The following RNF40 variants were observed in gnomAD, a reference collection of about 807,000 sequenced individuals.
RNF40 encodes E3 ubiquitin-protein ligase BRE1B.
RNF40 carries 39 observed loss-of-function variants against 123.3 expected under a neutral mutation model. The ratio of observed to expected loss-of-function variants is 0.32; its 90% CI spans 0.24 to 0.41. The LOEUF (loss-of-function observed/expected upper bound fraction) is 0.41, where lower values mean the gene tolerates loss of function less well. RNF40 is among the 10% of genes least tolerant of loss of function. RNF40 has a pLI of 1.00. For missense variants in RNF40, 1,003 were observed against 1,319.9 expected (o/e 0.76, Z 3.72); for synonymous variants, 538 against 526.0 (o/e 1.02, Z -0.31).
intron 17 of RNF40, among the ~76,000 whole-genome samples, chr16:30,770,472 T>C (rs2054128761): frequency 6.6e-6 from 1 of 152,176 alleles, no homozygotes; most frequent in African/African-American, 2.4e-5. Context: ...TGGATTGTTC[T>C]GCTCAAGAGG....
rs1226786730 is a variant in RNF40 at position 30,766,534 on chromosome 16, C to T, written c.1269C>T (p.His423=). The change falls in exon 10 of 20, where the codon CAC becomes CAT. Residue 423 remains histidine, a synonymous_variant. Transcript: ENST00000324685. This position sits in a 1 kb window ranked among gnomAD's most constrained non-coding sequence, Gnocchi z 5.4. ...TGCTGCTGGCCACAAAGAACTCCCACCTGCGACACATCGAGCACATGGAGG... is the reference window on the plus strand; with the variant it reads ...TGCTGCTGGCCACAAAGAACTCCCATCTGCGACACATCGAGCACATGGAGG... The part of the protein sequence containing the change: ...RGLLLATKNS[H]LRHIEHMESD... 4.3e-6 allele frequency: 7 copies of T among 1,611,866 alleles called. No individual in the cohort carries two copies. Among genetic ancestry groups the T allele is most frequent in the East Asian group, 2.2e-5 (1 of 44,870 alleles).
At chr16:30,772,610 G>A (rs892968634) in intron 19 of RNF40, among the ~76,000 whole-genome samples, 4 of 152,244 alleles carry the variant, frequency 2.6e-5, no homozygotes, top group Non-Finnish European at 5.9e-5. Flanking sequence ...TGGCTGTGAG[G>A]AACGGGAGTG....
At chr16:30,770,119 A>ATGGATTTTTTTTTTTTTTTTTTTTTTTTT (rs144255833) in intron 17 of RNF40, among the ~76,000 whole-genome samples, 1 of 98,850 alleles carries the variant, frequency 1.0e-5, no homozygotes, top group Non-Finnish European at 2.0e-5. Context: ...AAAACAAAAG[A>ATGGATTTTTTTTTTTTTTTTTTTTTTTTT]TTTTTGAGTT....
chr16:30,761,933 G>A, upstream of RNF40: 3 of 617,982 alleles, frequency 4.9e-6, no homozygotes, highest in East Asian at 2.9e-5. Flanking sequence ...GGCGACGGTT[G>A]CCAAGGGGGC....
chr16:30,769,619 GA>G lies in RNF40; in HGVS notation c.2586+20del. ...GCGGAAGGTGAGGCTGGGCCAGGGG[GA>G]CACACAGCTTGGGCTGCTGGCTCAC... On this transcript the variant is annotated intron_variant, in intron 17 of 19. Transcript: ENST00000324685. The G allele has an allele frequency of 2.6e-6, 4 of 1,526,908 alleles. No individual in the cohort carries two copies. The highest frequency in any genetic ancestry group is 3.5e-6 in the Non-Finnish European group (4 of 1,136,018). The allele number at this position is 1,526,908 out of a possible 1,614,324, so 94.6% of individuals were successfully genotyped here.
rs753609863 is a variant in RNF40 at position 30,768,225 on chromosome 16, C to T, written c.1674C>T (p.Pro558=). 3.2e-5 allele frequency: 51 copies of T among 1,613,670 alleles called. No homozygotes were observed. In the Admixed American group the frequency reaches 6.7e-4, roughly 21 times the overall value. The change falls in exon 13 of 20, where the codon CCC becomes CCT. Residue 558 remains proline, a synonymous_variant. Transcript: ENST00000324685. This position sits in a 1 kb window ranked among gnomAD's most constrained non-coding sequence, Gnocchi z 4.1. ...EEGGPGPVST[P]DNRKEMAPVP... is the part of the protein sequence containing the mutation. Reference sequence around the variant, plus strand: ...GTGGGCCAGGCCCTGTCAGTACCCCCGACAACAGAAAGGAGATGGCTCCAG... The same window carrying T: ...GTGGGCCAGGCCCTGTCAGTACCCCTGACAACAGAAAGGAGATGGCTCCAG...
Position 30,769,407 on chromosome 16 carries a change from G to T in RNF40, c.2460+9G>T. On this transcript the variant is annotated intron_variant, in intron 16 of 19. Transcript: ENST00000324685. ...TTGGCCTCAAGTCCCAGGTATGGCC[G>T]CCGCCAGCTTGCAGACTGGAGCTGG... The T allele has an allele frequency of 6.2e-7, 1 of 1,614,192 alleles. No homozygotes were observed. The highest frequency in any genetic ancestry group is 8.5e-7 in the Non-Finnish European group (1 of 1,180,028).
At chr16:30,762,281 G>GC (rs1555470701), upstream of RNF40, 1 of 463,870 alleles carries the variant, frequency 2.2e-6, no homozygotes, top group Non-Finnish European at 3.8e-6. Context: ...CACCGTTGGG[G>GC]GGGGGGCAGT....
chr16:30,764,330 C>G lies in RNF40; in HGVS notation c.594C>G (p.Ala198=). The G allele has an allele frequency of 6.2e-7, 1 of 1,613,902 alleles. No homozygotes were observed. Among genetic ancestry groups the G allele is most frequent in the Non-Finnish European group, 8.5e-7 (1 of 1,179,994 alleles). Residue 198 remains alanine (A), a synonymous_variant, in exon 5 of 20, where the codon GCC becomes GCG. Coordinates refer to ENST00000324685, the MANE Select transcript of RNF40 (RefSeq NM_014771.4). ...SKAAVSRVVE[A]SDRLQRRVEE... is the part of the protein sequence containing the mutation. ...CAGCTGTGTCTCGTGTGGTAGAGGC[C>G]TCAGACCGCCTACAGCGCCGGGTGG...
chr16:30,765,232 A>G lies in RNF40; in HGVS notation c.823A>G (p.Met275Val). 6.2e-7 allele frequency: 1 copy of G among 1,614,194 alleles called. No homozygotes were observed. The highest frequency in any genetic ancestry group is 8.5e-7 in the Non-Finnish European group (1 of 1,180,030). The change falls in exon 7 of 20, where the codon ATG (methionine) becomes GTG (valine). Residue 275 changes from methionine to valine, a missense_variant. By Grantham distance (21) the Met-to-Val change is conservative. Around this residue, in one of 11 missense-constraint regions of RNF40, gnomAD observed 274 missense variants for 356.9 expected, o/e 0.77. Coordinates refer to ENST00000324685, the MANE Select transcript of RNF40 (RefSeq NM_014771.4). ...VTSAETKVLE[M>V]ETTVEDLQWD... ...ATCGGCAGAGACCAAGGTGCTGGAG[A>G]TGGAGACAACAGTGGAGGACTTGCA... is the stretch of plus-strand genomic sequence containing the variant.
chr16:30,762,276 T>G, upstream of RNF40: 42 of 420,024 alleles, frequency 1.0e-4, no homozygotes, highest in East Asian at 2.5e-4. Flanking sequence ...CTGCGCACCG[T>G]TGGGGGGGGG....
upstream of RNF40, chr16:30,762,024 G>A: frequency 2.0e-6 from 1 of 501,360 alleles, no homozygotes. Flanking sequence ...GAAGTTGCGA[G>A]TGCCCACCTG....
At position 30,763,459 on chromosome 16, in the gene RNF40, C is replaced by T; in HGVS notation, c.342C>T (p.Ser114=). ...AAGCCCTTCTCCGATGCCATGAGAG[C>T]CAGGGGGAGCTGTCTTCAGCGCCTG... ...TVEALLRCHE[S]QGELSSAPEA... Residue 114 remains serine, a synonymous_variant, in exon 4 of 20, where the codon AGC becomes AGT. Coordinates refer to ENST00000324685, the MANE Select transcript of RNF40 (RefSeq NM_014771.4). The T allele has an allele frequency of 1.2e-6, 2 of 1,611,322 alleles. No homozygotes were observed. The highest frequency in any genetic ancestry group is 1.1e-5 in the South Asian group (1 of 90,758).
intron 17 of RNF40, among the ~76,000 whole-genome samples, chr16:30,771,156 A>G (rs2054141510): frequency 6.6e-6 from 1 of 152,182 alleles, no homozygotes; most frequent in Non-Finnish European, 1.5e-5. Context: ...TAATCCCCCA[A>G]ATAAAATAGT....
At chr16:30,771,640 C>T (rs1465032657) in intron 17 of RNF40, among the ~76,000 whole-genome samples, 193 bp from the exon 18 acceptor site, 1 of 151,828 alleles carries the variant, frequency 6.6e-6, no homozygotes, top group Non-Finnish European at 1.5e-5. Context: ...ACAAAGAAAC[C>T]CCAAAAAACA....
Position 30,764,388 on chromosome 16 carries a change from G to A in RNF40, c.649+3G>A. 2.5e-6 allele frequency: 4 copies of A among 1,611,104 alleles called. No individual in the cohort carries two copies. Among genetic ancestry groups the A allele is most frequent in the Non-Finnish European group, 3.4e-6 (4 of 1,179,062 alleles). On this transcript the variant is annotated splice_donor_region_variant and intron_variant, in intron 5 of 19. Coordinates refer to ENST00000324685, the MANE Select transcript of RNF40 (RefSeq NM_014771.4). ...CTGTCAGCGAGTGTACAGCCGAGGT[G>A]GGTTCTTTGTGCCCATACTGAAGGG...
In RNF40 at chr16:30,772,382, G is replaced by A. The variant is rs533372969; in HGVS notation, c.2829+192G>A. ...CCAGGCACAGTGCTTGGCTGGGTGT[G>A]GGTTGGGAGGCTAGGAACTGGCCCT... is the stretch of plus-strand genomic sequence containing the variant. On this transcript the variant is annotated intron_variant, in intron 19 of 19. Transcript: ENST00000324685. The A allele has an allele frequency of 7.5e-6, 5 of 665,346 alleles. No homozygotes were observed. The African/African-American group carries it at 8.8e-5, about 12-fold the overall frequency. 41.2% of individuals were successfully genotyped at this position (665,346 alleles called of 1,614,324 possible). A position where few individuals can be genotyped will look rare whatever the true frequency, so the allele number is the denominator to read the frequency against.
At position 30,768,625 on chromosome 16, in the gene RNF40, C is replaced by G; in HGVS notation, c.1986C>G (p.Ala662=). 1 of 1,614,154 alleles carries G rather than the reference C, an allele frequency of 6.2e-7. No homozygotes were observed. Among genetic ancestry groups the G allele is most frequent in the Non-Finnish European group, 8.5e-7 (1 of 1,180,008 alleles). ...LKGLRAELKK[A]QESQKEMKLL... is the part of the protein sequence containing the mutation. ...TCCTGTACCTTCTTGCCAGGAAGGC[C>G]CAGGAGAGCCAGAAGGAGATGAAAC... is the stretch of plus-strand genomic sequence containing the variant. Residue 662 remains alanine, a synonymous_variant, in exon 14 of 20, where the codon GCC becomes GCG. Transcript: ENST00000324685. This position sits in a 1 kb window ranked among gnomAD's most constrained non-coding sequence, Gnocchi z 4.1.
At chr16:30,764,900 C>T (rs1424029982) in intron 5 of RNF40, 38 bp from the exon 6 acceptor site, 87 of 1,598,204 alleles carry the variant, frequency 5.4e-5, no homozygotes, top group Non-Finnish European at 7.1e-5. Flanking sequence ...TGCCCCATTG[C>T]CCTGAGCTGG....
Sources: gnomAD v4.1 joint callset for allele counts (sites outside exome capture counted in the v4.1 genomes callset) on GRCh38, gnomAD v4.1.1 for gene constraint, gnomAD v4.1.1 regional missense constraint, Gnocchi (gnomAD v3.1) non-coding constraint, MANE v1.5 for transcripts, NCBI Gene and HGNC (gene_info 2026-07-23, HGNC 2026-07-21) for gene names.